PREX1: variants seen among roughly 807,000 people sequenced by gnomAD.
The protein encoded by PREX1 is phosphatidylinositol 3,4,5-trisphosphate-dependent Rac exchanger 1 protein.
Under a neutral mutation model 198.3 loss-of-function variants are expected in PREX1, and 41 were observed. The observed-to-expected ratio is 0.21, with a 90% CI of 0.16 to 0.27. The LOEUF is 0.27. PREX1 is among the 10% of genes least tolerant of loss of function. PREX1 has a pLI of 1.00. For synonymous variants in PREX1, 843 were observed against 887.2 expected (o/e 0.95, Z 0.89); for missense variants, 1,620 against 2,200.7 (o/e 0.74, Z 5.28).
intron 14 of PREX1, among the ~76,000 whole-genome samples, chr20:48,668,178 C>T (rs1387761069): frequency 6.6e-6 from 1 of 152,042 alleles, no homozygotes; most frequent in African/African-American, 2.4e-5. Context: ...TGCGCATGTG[C>T]AGGTGGGAGG....
intron 14 of PREX1, among the ~76,000 whole-genome samples, chr20:48,672,576 C>T (rs767183735): frequency 6.6e-6 from 1 of 152,264 alleles, no homozygotes; most frequent in Non-Finnish European, 1.5e-5. Flanking sequence ...GGTGCGCCCA[C>T]GCGGCTTCCT....
chr20:48,783,714 T>C (rs1009585911), intron 1 of PREX1, among the ~76,000 whole-genome samples: 3 of 152,118 alleles, frequency 2.0e-5, no homozygotes, highest in African/African-American at 4.8e-5. Context: ...AGGAGTGAGA[T>C]TGGTCTCGAC....
At chr20:48,654,608 A>T (rs189850608) in intron 19 of PREX1, among the ~76,000 whole-genome samples, 1 of 152,280 alleles carries the variant, frequency 6.6e-6, no homozygotes, top group Non-Finnish European at 1.5e-5. Flanking sequence ...GCTTTAGGAC[A>T]AAATGAAAAC....
chr20:48,821,630 C>T (rs6090914), intron 1 of PREX1: 1 of 152,386 alleles, frequency 6.6e-6, no homozygotes, highest in Non-Finnish European at 1.5e-5. Context: ...CAGGCATGAC[C>T]TGCTTCAAAC....
intron 1 of PREX1, among the ~76,000 whole-genome samples, chr20:48,810,674 A>G (rs561103845): frequency 1.3e-5 from 2 of 151,564 alleles, no homozygotes; most frequent in East Asian, 3.9e-4. Context: ...ATCATCTCAG[A>G]TCAAGAGTTT....
chr20:48,804,708 G>C (rs958285001), intron 1 of PREX1, among the ~76,000 whole-genome samples: 1 of 152,256 alleles, frequency 6.6e-6, no homozygotes, highest in African/African-American at 2.4e-5. Flanking sequence ...CCCAGCAGGA[G>C]ACCATGGTGG....
chr20:48,780,443 C>G (rs986614984), intron 1 of PREX1, among the ~76,000 whole-genome samples: 12 of 152,126 alleles, frequency 7.9e-5, no homozygotes, highest in African/African-American at 2.9e-4. Context: ...CACAGCAAGA[C>G]CCATCTCTAC....
chr20:48,692,570 T>C, intron 8 of PREX1, 102 bp downstream of exon 8: 2 of 951,508 alleles, frequency 2.1e-6, no homozygotes, highest in East Asian at 2.7e-5. Context: ...GTAGATTACA[T>C]CTCATGATAA....
intron 5 of PREX1, among the ~76,000 whole-genome samples, chr20:48,719,218 T>C (rs2089974994): frequency 1.3e-5 from 2 of 152,152 alleles, no homozygotes; most frequent in East Asian, 1.9e-4. Flanking sequence ...GAATCCAGGT[T>C]GGACCCCACA....
intron 1 of PREX1, among the ~76,000 whole-genome samples, chr20:48,788,016 C>T (rs1027972147): frequency 1.1e-4 from 17 of 152,166 alleles, no homozygotes; most frequent in African/African-American, 4.1e-4. Context: ...ATGGCGGAGG[C>T]TTCGAGATTA....
rs774681439 is a variant in PREX1, at chr20:48,659,936, G to C, written c.1864C>G (p.Leu622Val). The change falls in exon 16 of 40, where the codon CTG (leucine) becomes GTG (valine). Residue 622 changes from leucine to valine, a missense_variant. Coordinates refer to ENST00000371941, the MANE Select transcript of PREX1 (RefSeq NM_020820.4). The stretch of plus-strand genomic sequence containing the variant: ...GCTCCTACCAGCAGGCGCTTGGCCA[G>C]AATGTTCTCCACCAGCTTGAAGTCG... ...RNDFKLVENI[L>V]AKRLLILPQE... is the part of the protein sequence containing the mutation. 5 of 1,614,248 alleles carry C rather than the reference G, an allele frequency of 3.1e-6. No homozygotes were observed. The highest frequency in any genetic ancestry group is 4.2e-6 in the Non-Finnish European group (5 of 1,180,048).
intron 3 of PREX1, among the ~76,000 whole-genome samples, chr20:48,735,810 C>T (rs1403952129): frequency 6.6e-6 from 1 of 152,092 alleles, no homozygotes; most frequent in Non-Finnish European, 1.5e-5. Context: ...GGACTCAAAC[C>T]CCCTTAACCC....
At chr20:48,637,970 C>T (rs2089378274) in intron 30 of PREX1, among the ~76,000 whole-genome samples, 1 of 152,172 alleles carries the variant, frequency 6.6e-6, no homozygotes, top group African/African-American at 2.4e-5. Context: ...CTGTGAGCCC[C>T]ATCTGTACGT....
chr20:48,800,249 T>C (rs1191201528), intron 1 of PREX1, among the ~76,000 whole-genome samples: 1 of 151,974 alleles, frequency 6.6e-6, no homozygotes, highest in East Asian at 1.9e-4. Flanking sequence ...CTAATTCAAA[T>C]GCAGGCTGAG....
the PREX1 span, among the ~76,000 whole-genome samples, chr20:48,877,403 C>T: frequency 6.6e-6 from 1 of 152,184 alleles, no homozygotes; most frequent in Non-Finnish European, 1.5e-5. Context: ...ACTTTCTTTT[C>T]CCTCAGCACT....
chr20:48,755,546 C>T (rs1046933012), intron 1 of PREX1, among the ~76,000 whole-genome samples: 1 of 152,150 alleles, frequency 6.6e-6, no homozygotes, highest in Non-Finnish European at 1.5e-5. Context: ...TTCTGCTATT[C>T]CCTTTTCCTA....
chr20:48,690,871 T>A, intron 9 of PREX1, 76 bp downstream of exon 9: 1 of 1,595,502 alleles, frequency 6.3e-7, no homozygotes, highest in Admixed American at 1.7e-5. Context: ...GCCCCTTCCC[T>A]AGACACAGCC....
At chr20:48,747,035 A>G (rs1388017077) in intron 2 of PREX1, among the ~76,000 whole-genome samples, 1 of 151,314 alleles carries the variant, frequency 6.6e-6, no homozygotes, top group Non-Finnish European at 1.5e-5. Context: ...GGAGCCATGC[A>G]GAGACCTTGA....
chr20:48,708,465 C>G (rs373534406), intron 5 of PREX1, 44 bp from the exon 6 acceptor site: 3 of 1,604,470 alleles, frequency 1.9e-6, no homozygotes, highest in Non-Finnish European at 2.6e-6. Flanking sequence ...AGACATCAAT[C>G]AATCCAGAGG....
Sources: gnomAD v4.1 joint callset for allele counts (sites outside exome capture counted in the v4.1 genomes callset) on GRCh38, gnomAD v4.1.1 for gene constraint, MANE v1.5 for transcripts, NCBI Gene and HGNC (gene_info 2026-07-23, HGNC 2026-07-21) for gene names.